RPRM: variants seen among roughly 807,000 people sequenced by gnomAD.
RPRM encodes reprimo, TP53 dependent G2 arrest mediator homolog.
A neutral mutation model predicts 5.2 loss-of-function variants in RPRM; 3 were observed. The observed-to-expected ratio is 0.58, with a 90% CI of 0.26 to 1.50. The LOEUF (loss-of-function observed/expected upper bound fraction) is 1.50. RPRM is among the 40% of genes most tolerant of loss of function. RPRM has a pLI of 0.13. For synonymous variants in RPRM, 70 were observed against 69.9 expected (o/e 1.00, Z -0.01); for missense variants, 135 against 154.5 (o/e 0.87, Z 0.67).
At position 153,478,301 on chromosome 2, in the gene RPRM, T is replaced by A; in HGVS notation, c.265A>T (p.Asn89Tyr). 1 of 1,614,030 alleles carries A rather than the reference T, an allele frequency of 6.2e-7. No homozygotes were observed. The highest frequency in any genetic ancestry group is 8.5e-7 in the Non-Finnish European group (1 of 1,179,986). Residue 89 changes from asparagine to tyrosine, a missense_variant, in exon 1 of 1, where the codon AAC becomes TAC. Physicochemically the swap from Asn to Tyr is moderately radical, Grantham distance 143. Coordinates refer to ENST00000325926, the MANE Select transcript of RPRM (RefSeq NM_019845.3). ...GGCCTCCGGTCCTTCACGAGGAAGT[T>A]GATCATGCCCTCGGACTTGATGAGC... is the stretch of plus-strand genomic sequence containing the variant. ...NLLIKSEGMI[N>Y]FLVKDRRPSK...
chr2:153,478,660 C>T lies in RPRM; in HGVS notation c.-95G>A, dbSNP rs564802073. On this transcript the variant is annotated 5_prime_UTR_variant, in exon 1 of 1. Coordinates refer to ENST00000325926, the MANE Select transcript of RPRM (RefSeq NM_019845.3). Reference sequence around the variant, plus strand: ...AGGTGCCGGGCTGAGCGCTCACTCGCAGACTAGCGCGTGCGAGGGCTCCTC... The same window carrying T: ...AGGTGCCGGGCTGAGCGCTCACTCGTAGACTAGCGCGTGCGAGGGCTCCTC... 2.9e-6 allele frequency: 3 copies of T among 1,027,268 alleles called. No individual in the cohort carries two copies. The East Asian group carries it at 8.0e-5, about 27-fold the overall frequency. 63.6% of individuals were successfully genotyped at this position (1,027,268 alleles called of 1,614,324 possible).
Position 153,478,694 on chromosome 2 carries a change from T to C in RPRM, c.-129A>G. ...GCGTGCGAGGGCTCCTCGCTCTGCT[T>C]TCGAAAGTCCCTGGGCCGTGGGAGT... On this transcript the variant is annotated 5_prime_UTR_variant, in exon 1 of 1. Coordinates refer to ENST00000325926, the MANE Select transcript of RPRM (RefSeq NM_019845.3). 1 of 770,358 alleles carries C rather than the reference T, an allele frequency of 1.3e-6. No individual in the cohort carries two copies. The highest frequency in any genetic ancestry group is 2.1e-6 in the Non-Finnish European group (1 of 482,566). 47.7% of individuals were successfully genotyped at this position (770,358 alleles called of 1,614,324 possible).
Position 153,478,744 on chromosome 2 carries a change from G to A in RPRM, c.-179C>T. 1.7e-6 allele frequency: 1 copy of A among 603,880 alleles called. No individual in the cohort carries two copies. Among genetic ancestry groups the A allele is most frequent in the Non-Finnish European group, 2.9e-6 (1 of 339,380 alleles). 37.4% of individuals were successfully genotyped at this position (603,880 alleles called of 1,614,324 possible). On this transcript the variant is annotated 5_prime_UTR_variant, in exon 1 of 1. Coordinates refer to ENST00000325926, the MANE Select transcript of RPRM (RefSeq NM_019845.3). ...TTTCCCAGGAGCCTCTCCGACGCGC[G>A]CAGCAGCTAGGCTCTTCTAAAGCCG...
Position 153,478,370 on chromosome 2 carries a change from A to C in RPRM, c.196T>G (p.Ser66Ala). ...AAGATGCCGAAGACCACGGTGAGTG[A>C]GAGCACGCACATGACCGCGATCTGC... ...VVQIAVMCVLSLTVVFGIFFL... is the reference protein window; with the variant it reads ...VVQIAVMCVLALTVVFGIFFL... Residue 66 changes from serine to alanine, a missense_variant, in exon 1 of 1, where the codon TCA becomes GCA. Ser to Ala is a moderately conservative substitution (Grantham distance 99, BLOSUM62 1). Coordinates refer to ENST00000325926, the MANE Select transcript of RPRM (RefSeq NM_019845.3). The C allele has an allele frequency of 6.2e-7, 1 of 1,614,162 alleles. No individual in the cohort carries two copies. The highest frequency in any genetic ancestry group is 8.5e-7 in the Non-Finnish European group (1 of 1,180,010).
Position 153,478,346 on chromosome 2 carries a change from A to G in RPRM, c.220T>C (p.Phe74Leu), listed in dbSNP as rs978218260. Reference protein sequence around the residue: ...VLSLTVVFGIFFLGCNLLIKS... With the variant: ...VLSLTVVFGILFLGCNLLIKS... ...ATGAGCAGATTGCAGCCGAGGAAGAAGATGCCGAAGACCACGGTGAGTGAG... is the reference window on the plus strand; with the variant it reads ...ATGAGCAGATTGCAGCCGAGGAAGAGGATGCCGAAGACCACGGTGAGTGAG... The change falls in exon 1 of 1, where the codon TTC becomes CTC. Residue 74 changes from phenylalanine (F) to leucine (L), a missense_variant. Phe to Leu is a conservative substitution (Grantham distance 22, BLOSUM62 0). Coordinates refer to ENST00000325926, the MANE Select transcript of RPRM (RefSeq NM_019845.3). 5 of 1,614,050 alleles carry G rather than the reference A, an allele frequency of 3.1e-6. No homozygotes were observed. In the African/African-American group the frequency reaches 6.7e-5, roughly 22 times the overall value.
At position 153,478,108 on chromosome 2, in the gene RPRM, A is replaced by G. The variant is rs895487538; in HGVS notation, c.*128T>C. ...GAGAAACCGGTCGCTTCTTTCCGAAAGGCCGAAGTCGAGAGAAATAATTGA... is the reference window on the plus strand; with the variant it reads ...GAGAAACCGGTCGCTTCTTTCCGAAGGGCCGAAGTCGAGAGAAATAATTGA... On this transcript the variant is annotated 3_prime_UTR_variant, in exon 1 of 1. Coordinates refer to ENST00000325926, the MANE Select transcript of RPRM (RefSeq NM_019845.3). 2.6e-6 allele frequency: 2 copies of G among 757,840 alleles called. No homozygotes were observed. The highest frequency in any genetic ancestry group is 2.1e-6 in the Non-Finnish European group (1 of 478,550). The allele number at this position is 757,840 out of a possible 1,614,324, so 46.9% of individuals were successfully genotyped here. A position where few individuals can be genotyped will look rare whatever the true frequency, so the allele number is the denominator to read the frequency against.
In RPRM at chr2:153,478,603, G is replaced by C. The variant is rs541947140; in HGVS notation, c.-38C>G. 1 of 1,485,952 alleles carries C rather than the reference G, an allele frequency of 6.7e-7. No homozygotes were observed. The highest frequency in any genetic ancestry group is 9.0e-7 in the Non-Finnish European group (1 of 1,115,432). The allele number at this position is 1,485,952 out of a possible 1,614,324, so 92.0% of individuals were successfully genotyped here. A position where few individuals can be genotyped will look rare whatever the true frequency, so the allele number is the denominator to read the frequency against. ...CGGGCGCCGCGAGCGGCGCGGGTCC[G>C]AGGGGTGGGAAGGCGGCGGCGCTGG... On this transcript the variant is annotated 5_prime_UTR_variant, in exon 1 of 1. Transcript: ENST00000325926.
chr2:153,477,990 C>T lies in RPRM; in HGVS notation c.*246G>A. ...AAGTAGCAGCTTCCAAAGTTCTGCGCCCTAATCGCCCTCTTCTTGCCACTT... is the reference window on the plus strand; with the variant it reads ...AAGTAGCAGCTTCCAAAGTTCTGCGTCCTAATCGCCCTCTTCTTGCCACTT... On this transcript the variant is annotated 3_prime_UTR_variant, in exon 1 of 1. Transcript: ENST00000325926. 1.9e-6 allele frequency: 1 copy of T among 534,974 alleles called. No homozygotes were observed. Among genetic ancestry groups the T allele is most frequent in the East Asian group, 3.1e-5 (1 of 32,734 alleles). The allele number at this position is 534,974 out of a possible 1,614,324, so 33.1% of individuals were successfully genotyped here.
In RPRM at chr2:153,478,236, T is replaced by G; in HGVS notation, c.330A>C (p.Ter110CysextTer17). 6.2e-7 allele frequency: 1 copy of G among 1,606,854 alleles called. No individual in the cohort carries two copies. Among genetic ancestry groups the G allele is most frequent in the Non-Finnish European group, 8.5e-7 (1 of 1,176,866 alleles). The part of the protein sequence containing the change: ...EVEAVVVGPY[*>C] ...GGTTGCCGCGGGGGCAGAGGGCGGG[T>G]CAGTAGGGCCCCACGACCACCGCCT... The change falls in exon 1 of 1, where the codon TGA becomes TGC. Residue 110 changes from the stop codon to cysteine, a stop_lost. Transcript: ENST00000325926.
Position 153,478,628 on chromosome 2 carries a change from G to A in RPRM, c.-63C>T. On this transcript the variant is annotated 5_prime_UTR_variant, in exon 1 of 1. Coordinates refer to ENST00000325926, the MANE Select transcript of RPRM (RefSeq NM_019845.3). ...GAGGGGTGGGAAGGCGGCGGCGCTGGAGGAACAGGTGCCGGGCTGAGCGCT... is the reference window on the plus strand; with the variant it reads ...GAGGGGTGGGAAGGCGGCGGCGCTGAAGGAACAGGTGCCGGGCTGAGCGCT... 1 of 1,338,790 alleles carries A rather than the reference G, an allele frequency of 7.5e-7. No homozygotes were observed. The highest frequency in any genetic ancestry group is 1.0e-6 in the Non-Finnish European group (1 of 992,110). 82.9% of individuals were successfully genotyped at this position (1,338,790 alleles called of 1,614,324 possible).
Position 153,478,597 on chromosome 2 carries a change from G to T in RPRM, c.-32C>A, listed in dbSNP as rs756697145. The T allele has an allele frequency of 3.4e-6, 5 of 1,490,858 alleles. No individual in the cohort carries two copies. The South Asian group carries it at 5.4e-5, about 16-fold the overall frequency. The allele number at this position is 1,490,858 out of a possible 1,614,324, so 92.4% of individuals were successfully genotyped here. On this transcript the variant is annotated 5_prime_UTR_variant, in exon 1 of 1. Transcript: ENST00000325926. ...AACGGGCGGGCGCCGCGAGCGGCGC[G>T]GGTCCGAGGGGTGGGAAGGCGGCGG...
rs140692733 is a variant in RPRM, at chr2:153,478,518, C to G, written c.48G>C (p.Leu16=). 10 of 1,607,090 alleles carry G rather than the reference C, an allele frequency of 6.2e-6. No individual in the cohort carries two copies. The highest frequency in any genetic ancestry group is 8.5e-6 in the Non-Finnish European group (10 of 1,176,546). The change falls in exon 1 of 1, where the codon CTG becomes CTC. Residue 16 remains leucine (L), a synonymous_variant. Transcript: ENST00000325926. ...GCTCCAGCGCCTCGCTGCTGTTGGC[C>G]AGGAACAGGCCCGCCACGTCCGTCT... ...GNQTDVAGLF[L]ANSSEALERA... is the part of the protein sequence containing the mutation.
Position 153,478,091 on chromosome 2 carries a change from G to A in RPRM, c.*145C>T. The A allele has an allele frequency of 1.1e-5, 7 of 662,766 alleles. No homozygotes were observed. In the East Asian group the frequency reaches 1.4e-4, roughly 13 times the overall value. 41.1% of individuals were successfully genotyped at this position (662,766 alleles called of 1,614,324 possible). On this transcript the variant is annotated 3_prime_UTR_variant, in exon 1 of 1. Coordinates refer to ENST00000325926, the MANE Select transcript of RPRM (RefSeq NM_019845.3). ...ACTTTCAGAGGGCGAGGGAGAAACCGGTCGCTTCTTTCCGAAAGGCCGAAG... is the reference window on the plus strand; with the variant it reads ...ACTTTCAGAGGGCGAGGGAGAAACCAGTCGCTTCTTTCCGAAAGGCCGAAG...
rs1684169894 is a variant in RPRM, at chr2:153,477,372, T to C, written c.*864A>G. 6.6e-6 allele frequency: 1 copy of C among 152,456 alleles called. No individual in the cohort carries two copies. The highest frequency in any genetic ancestry group is 1.5e-5 in the Non-Finnish European group (1 of 68,026). 9.4% of individuals were successfully genotyped at this position (152,456 alleles called of 1,614,324 possible). A position where few individuals can be genotyped will look rare whatever the true frequency, so the allele number is the denominator to read the frequency against. ...AATGTTGCATTTATTAAGGAAATGT[T>C]AAATAAGAAAAAAACAAAAAGTCAA... On this transcript the variant is annotated 3_prime_UTR_variant, in exon 1 of 1. Transcript: ENST00000325926.
chr2:153,478,140 C>A lies in RPRM; in HGVS notation c.*96G>T. The A allele has an allele frequency of 1.1e-6, 1 of 931,600 alleles. No individual in the cohort carries two copies. The highest frequency in any genetic ancestry group is 1.6e-6 in the Non-Finnish European group (1 of 624,764). The allele number at this position is 931,600 out of a possible 1,614,324, so 57.7% of individuals were successfully genotyped here. A position where few individuals can be genotyped will look rare whatever the true frequency, so the allele number is the denominator to read the frequency against. Reference sequence around the variant, plus strand: ...AGTCGAGAGAAATAATTGACTCCGACAGGTTTGCTTCGCCCAGTCTCTGAT... The same window carrying A: ...AGTCGAGAGAAATAATTGACTCCGAAAGGTTTGCTTCGCCCAGTCTCTGAT... On this transcript the variant is annotated 3_prime_UTR_variant, in exon 1 of 1. Transcript: ENST00000325926.
rs545869832 is a variant in RPRM at position 153,477,750 on chromosome 2, G to A, written c.*486C>T. ...TATCGCCCCTCCCCTCCAGGGCAGG[G>A]GGGGAGCAGGAGAAGAGTGGGAGCG... On this transcript the variant is annotated 3_prime_UTR_variant, in exon 1 of 1. Coordinates refer to ENST00000325926, the MANE Select transcript of RPRM (RefSeq NM_019845.3). 2 of 157,810 alleles carry A rather than the reference G, an allele frequency of 1.3e-5. No homozygotes were observed. The highest frequency in any genetic ancestry group is 1.9e-4 in the East Asian group (1 of 5,306). The allele number at this position is 157,810 out of a possible 1,614,324, so 9.8% of individuals were successfully genotyped here.
rs775873314 is a variant in RPRM, at chr2:153,478,311, C to T, written c.255G>A (p.Glu85=). Residue 85 remains glutamate (E), a synonymous_variant, in exon 1 of 1, where the codon GAG becomes GAA. Coordinates refer to ENST00000325926, the MANE Select transcript of RPRM (RefSeq NM_019845.3). Reference sequence around the variant, plus strand: ...CCTTCACGAGGAAGTTGATCATGCCCTCGGACTTGATGAGCAGATTGCAGC... The same window carrying T: ...CCTTCACGAGGAAGTTGATCATGCCTTCGGACTTGATGAGCAGATTGCAGC... ...FLGCNLLIKS[E]GMINFLVKDR... 6 of 1,614,022 alleles carry T rather than the reference C, an allele frequency of 3.7e-6. No homozygotes were observed. Among genetic ancestry groups the T allele is most frequent in the Non-Finnish European group, 5.1e-6 (6 of 1,180,014 alleles).
At position 153,478,730 on chromosome 2, in the gene RPRM, C is replaced by A. The variant is rs1319061344; in HGVS notation, c.-165G>T. On this transcript the variant is annotated 5_prime_UTR_variant, in exon 1 of 1. Transcript: ENST00000325926. ...CTGGGCCGTGGGAGTTTCCCAGGAG[C>A]CTCTCCGACGCGCGCAGCAGCTAGG... 3 of 622,926 alleles carry A rather than the reference C, an allele frequency of 4.8e-6. No homozygotes were observed. Among genetic ancestry groups the A allele is most frequent in the Admixed American group, 3.1e-5 (1 of 31,754 alleles). The allele number at this position is 622,926 out of a possible 1,614,324, so 38.6% of individuals were successfully genotyped here. A position where few individuals can be genotyped will look rare whatever the true frequency, so the allele number is the denominator to read the frequency against.
Position 153,478,666 on chromosome 2 carries a change from A to C in RPRM, c.-101T>G. ...CGGGCTGAGCGCTCACTCGCAGACTAGCGCGTGCGAGGGCTCCTCGCTCTG... is the reference window on the plus strand; with the variant it reads ...CGGGCTGAGCGCTCACTCGCAGACTCGCGCGTGCGAGGGCTCCTCGCTCTG... On this transcript the variant is annotated 5_prime_UTR_variant, in exon 1 of 1. Transcript: ENST00000325926. 1.0e-6 allele frequency: 1 copy of C among 952,840 alleles called. No individual in the cohort carries two copies. The allele number at this position is 952,840 out of a possible 1,614,324, so 59.0% of individuals were successfully genotyped here. A position where few individuals can be genotyped will look rare whatever the true frequency, so the allele number is the denominator to read the frequency against.
Sources: gnomAD v4.1 joint callset for allele counts on GRCh38, gnomAD v4.1.1 for gene constraint, MANE v1.5 for transcripts, NCBI Gene and HGNC (gene_info 2026-07-23, HGNC 2026-07-21) for gene names.